Variants in KCNAB2 observed in about 807,000 individuals in gnomAD.
KCNAB2 encodes potassium voltage-gated channel subfamily A regulatory beta subunit 2, also known as voltage-gated potassium channel subunit beta-2.
In KCNAB2, 29 loss-of-function variants were observed where a neutral mutation model predicts 63.6. The ratio of observed to expected loss-of-function variants is 0.46; its 90% CI spans 0.34 to 0.62. The LOEUF (loss-of-function observed/expected upper bound fraction) is 0.62, where lower values mean the gene tolerates loss of function less well. KCNAB2 is among the 20% of genes least tolerant of loss of function. The pLI, the probability that KCNAB2 is intolerant of heterozygous loss-of-function variation, is 0.01. For synonymous variants in KCNAB2, 222 were observed against 224.2 expected, an observed-to-expected ratio of 0.99 and a Z score of 0.09; for missense variants, 359 against 563.9, an observed-to-expected ratio of 0.64 and a Z score of 3.68.
chr1:6,065,151 C>T (rs1158911106), intron 2 of KCNAB2, among the ~76,000 whole-genome samples: 2 of 152,234 alleles, frequency 1.3e-5, no homozygotes, highest in African/African-American at 4.8e-5. Flanking sequence ...GCTGGGCATG[C>T]GCCAGGGAGG....
Position 6,073,815 on chromosome 1 carries a change from G to T in KCNAB2, c.300+45G>T. ...GCACCCCAGAACCCAGCACGGGCTC[G>T]CCAGAGCACATGGTTAAGTCTGCCG... On this transcript the variant is annotated intron_variant, in intron 4 of 15. Coordinates refer to ENST00000378083, the MANE Select transcript of KCNAB2 (RefSeq NM_001199862.2). The surrounding 1 kb of genome is among the most constrained non-coding windows in gnomAD (Gnocchi z 5.7). 6.3e-7 allele frequency: 1 copy of T among 1,597,374 alleles called. No homozygotes were observed. The highest frequency in any genetic ancestry group is 1.1e-5 in the South Asian group (1 of 90,762).
intron 1 of KCNAB2, among the ~76,000 whole-genome samples, chr1:5,995,547 C>G (rs1656896424): frequency 6.6e-6 from 1 of 152,222 alleles, no homozygotes; most frequent in Non-Finnish European, 1.5e-5. Context: ...GGAGGTGCCA[C>G]TACCATGGAG....
intron 8 of KCNAB2, among the ~76,000 whole-genome samples, chr1:6,090,169 G>A (rs1665065819): frequency 6.6e-6 from 1 of 152,206 alleles, no homozygotes; most frequent in African/African-American, 2.4e-5. Flanking sequence ...GTGGCCTGTG[G>A]TCCCCCGATG....
At chr1:6,094,025 G>A (rs1469347937) in intron 10 of KCNAB2, among the ~76,000 whole-genome samples, 1 of 152,066 alleles carries the variant, frequency 6.6e-6, no homozygotes, top group Non-Finnish European at 1.5e-5. Flanking sequence ...AGTGATCGGG[G>A]CCCTCGAATC....
chr1:6,098,443 C>G (rs1190850414), intron 15 of KCNAB2, 42 bp from the exon 16 acceptor site: 5 of 1,611,360 alleles, frequency 3.1e-6, no homozygotes, highest in Non-Finnish European at 4.2e-6. Flanking sequence ...CCAGGCCCGT[C>G]TTGTTGGTGG....
At chr1:6,075,156 G>A (rs578168154) in intron 4 of KCNAB2, among the ~76,000 whole-genome samples, 22 of 152,286 alleles carry the variant, frequency 1.4e-4, no homozygotes, top group Non-Finnish European at 3.1e-4. Context: ...ACTTGGCCTC[G>A]TTTCCCTTTC....
chr1:6,006,710 CCTCACT>C (rs1216095975), intron 1 of KCNAB2, among the ~76,000 whole-genome samples: 11 of 110,048 alleles, frequency 1.0e-4, no homozygotes, highest in Non-Finnish European at 1.6e-4. Context: ...CCCACTTCAC[CCTCACT>C]CCTCAGCTCA....
intron 2 of KCNAB2, among the ~76,000 whole-genome samples, chr1:6,062,633 C>A (rs1482122898): frequency 6.6e-6 from 1 of 152,120 alleles, no homozygotes; most frequent in Non-Finnish European, 1.5e-5. Context: ...GGAGGGGTTA[C>A]TTGTGCTGGG....
chr1:6,011,275 C>T (rs1364778307), intron 1 of KCNAB2, among the ~76,000 whole-genome samples: 2 of 148,310 alleles, frequency 1.3e-5, no homozygotes, highest in African/African-American at 5.0e-5. Context: ...CAGCTGTGCC[C>T]AGGGCCAGGT....
chr1:6,000,942 C>T (rs1657221728), intron 1 of KCNAB2, among the ~76,000 whole-genome samples: 1 of 152,142 alleles, frequency 6.6e-6, no homozygotes, highest in Non-Finnish European at 1.5e-5. Context: ...CAGGCCACCA[C>T]CAAAGCATCA....
intron 1 of KCNAB2, among the ~76,000 whole-genome samples, chr1:5,999,005 G>A (rs538327785): frequency 3.9e-5 from 6 of 152,350 alleles, no homozygotes; most frequent in East Asian, 1.9e-4. Context: ...GCTGGCGGGC[G>A]TAGACGAAGC....
At chr1:6,070,637 CT>C (rs1235709403) in intron 2 of KCNAB2, among the ~76,000 whole-genome samples, 1 of 152,230 alleles carries the variant, frequency 6.6e-6, no homozygotes, top group African/African-American at 2.4e-5. Context: ...CTCCTGCTCT[CT>C]TTGGGAAATG....
At chr1:6,077,173 G>A (rs967804029) in intron 4 of KCNAB2, among the ~76,000 whole-genome samples, 5 of 149,854 alleles carry the variant, frequency 3.3e-5, no homozygotes, top group African/African-American at 7.4e-5. Flanking sequence ...ATGACAGAGC[G>A]ACACTCCATC....
intron 1 of KCNAB2, among the ~76,000 whole-genome samples, chr1:6,049,060 T>C (rs1422447343): frequency 6.6e-6 from 1 of 152,092 alleles, no homozygotes; most frequent in African/African-American, 2.4e-5. Flanking sequence ...AGCATAGAAA[T>C]GAGCAGTGGT....
At chr1:6,021,627 C>T (rs115189992) in intron 1 of KCNAB2, among the ~76,000 whole-genome samples, 1,607 of 142,750 alleles carry the variant, frequency 0.011, 31 homozygotes, top group African/African-American at 0.039. Context: ...ATTGAGTATA[C>T]AGTTCAGTGG....
upstream of KCNAB2, among the ~76,000 whole-genome samples, chr1:6,031,613 G>T (rs574172215): frequency 2.4e-4 from 37 of 152,204 alleles, no homozygotes; most frequent in African/African-American, 8.7e-4. The surrounding 1 kb of genome is among the most constrained non-coding windows in gnomAD (Gnocchi z 4.1). Flanking sequence ...CTGGCCGGGT[G>T]CAGTGGCTCA....
chr1:6,042,843 A>ACCCC (rs1157271557), upstream of KCNAB2, among the ~76,000 whole-genome samples: 113 of 29,010 alleles, frequency 3.9e-3, 1 homozygote, highest in South Asian at 0.023. Context: ...CCCACTCCCC[A>ACCCC]CCCCCCCCCC....
intron 7 of KCNAB2, 115 bp from the exon 8 acceptor site, chr1:6,088,893 C>A: frequency 2.0e-6 from 2 of 986,262 alleles, no homozygotes; most frequent in Non-Finnish European, 3.1e-6. Flanking sequence ...TCCGACTCCA[C>A]ACGGCATTTG....
intron 2 of KCNAB2, among the ~76,000 whole-genome samples, chr1:6,059,434 C>T (rs926246397): frequency 1.3e-5 from 2 of 152,144 alleles, no homozygotes; most frequent in African/African-American, 2.4e-5. Context: ...AAGCGATCCA[C>T]CCACCTTGGC....
Sources: allele counts gnomAD v4.1 joint callset (sites outside exome capture counted in the v4.1 genomes callset), GRCh38; gene constraint gnomAD v4.1.1; non-coding constraint Gnocchi (gnomAD v3.1); transcripts MANE v1.5; gene names NCBI Gene and HGNC (gene_info 2026-07-23, HGNC 2026-07-21).